The following C4orf51 variants were observed in gnomAD, a reference collection of about 807,000 sequenced individuals.
C4orf51 encodes the protein chromosome 4 open reading frame 51.
Under a neutral mutation model 25.2 loss-of-function variants are expected in C4orf51, and 25 were observed. The ratio of observed to expected loss-of-function variants is 0.99; its 90% CI spans 0.72 to 1.39. The LOEUF (loss-of-function observed/expected upper bound fraction) is 1.39, where lower values mean the gene tolerates loss of function less well. C4orf51 is among the 40% of genes most tolerant of loss of function. C4orf51 has a pLI of 0.00. For missense variants in C4orf51, 252 were observed against 239.6 expected (o/e 1.05, Z -0.34); for synonymous variants, 100 against 84.5 (o/e 1.18, Z -1.01).
chr4:145,782,983 T>C, the C4orf51 span, among the ~76,000 whole-genome samples: 2 of 152,216 alleles, frequency 1.3e-5, no homozygotes, highest in Non-Finnish European at 1.5e-5. Flanking sequence ...AGTTAGTCAT[T>C]TCCCCTGCTC....
At chr4:145,701,477 C>A (rs1471804938) in intron 2 of C4orf51, among the ~76,000 whole-genome samples, 26 of 151,854 alleles carry the variant, frequency 1.7e-4, no homozygotes, top group Admixed American at 1.6e-3. Flanking sequence ...TTGGACTGTT[C>A]AACTCACCTG....
At chr4:145,775,428 T>C (rs1005864139), downstream of C4orf51, among the ~76,000 whole-genome samples, 3 of 140,880 alleles carry the variant, frequency 2.1e-5, no homozygotes, top group Non-Finnish European at 4.6e-5. Context: ...TTTCCTCAGC[T>C]TTTTTTTTTT....
At chr4:145,707,995 G>A (rs758887102) in intron 2 of C4orf51, among the ~76,000 whole-genome samples, 8 of 152,186 alleles carry the variant, frequency 5.3e-5, no homozygotes, top group Non-Finnish European at 8.8e-5. Context: ...ATTTCCAGTG[G>A]CCGACTTTCT....
At chr4:145,722,920 C>G (rs1209958162) in intron 2 of C4orf51, among the ~76,000 whole-genome samples, 1 of 152,198 alleles carries the variant, frequency 6.6e-6, no homozygotes, top group Non-Finnish European at 1.5e-5. Flanking sequence ...GCCTGATGAT[C>G]TGTCACTGTC....
chr4:145,702,580 A>G (rs1268816134), intron 2 of C4orf51, among the ~76,000 whole-genome samples: 1 of 152,178 alleles, frequency 6.6e-6, no homozygotes, highest in African/African-American at 2.4e-5. Flanking sequence ...CTGCCGGTTT[A>G]CACTGTTTCT....
intron 1 of C4orf51, among the ~76,000 whole-genome samples, chr4:145,770,551 G>A (rs1364749689): frequency 6.6e-6 from 1 of 151,246 alleles, no homozygotes; most frequent in African/African-American, 2.4e-5. Flanking sequence ...ATCATGGTAA[G>A]CATTATAGAA....
At chr4:145,741,229 G>A (rs1733079681) in intron 1 of C4orf51, among the ~76,000 whole-genome samples, 1 of 152,158 alleles carries the variant, frequency 6.6e-6, no homozygotes, top group Non-Finnish European at 1.5e-5. Flanking sequence ...TTTCTTAGAG[G>A]CTGATCATAT....
At position 145,681,705 on chromosome 4, in the gene C4orf51, G is replaced by A. The variant is rs150470339; in HGVS notation, c.233+1269G>A. Among the ~76,000 whole-genome samples, 223 of 152,274 alleles carry A rather than the reference G, an allele frequency of 1.5e-3. 1 individual carries two copies. The highest frequency in any genetic ancestry group is 0.014 in the Admixed American group (207 of 15,294). On this transcript the variant is annotated intron_variant, in intron 1 of 5. Transcript: ENST00000438731. Reference sequence around the variant, plus strand: ...CTGGTGAGGCTCATCTTATTGCAGAGGGTGAAAGGTGGAAGAGAGCACTTA... The same window carrying A: ...CTGGTGAGGCTCATCTTATTGCAGAAGGTGAAAGGTGGAAGAGAGCACTTA...
intron 1 of C4orf51, among the ~76,000 whole-genome samples, chr4:145,751,975 C>T (rs1733703058): frequency 1.3e-5 from 2 of 152,194 alleles, no homozygotes; most frequent in South Asian, 4.1e-4. Flanking sequence ...CTGATGTTCC[C>T]TTAAGGCCCA....
intron 2 of C4orf51, among the ~76,000 whole-genome samples, chr4:145,720,574 T>C (rs1056772116): frequency 6.6e-6 from 1 of 152,216 alleles, no homozygotes; most frequent in African/African-American, 2.4e-5. Flanking sequence ...GGGAGTGTTC[T>C]TCTTGCTCTT....
At chr4:145,722,343 T>G (rs1731785809) in intron 2 of C4orf51, among the ~76,000 whole-genome samples, 1 of 152,186 alleles carries the variant, frequency 6.6e-6, no homozygotes, top group African/African-American at 2.4e-5. Flanking sequence ...ATCATAACAG[T>G]ATATCCTAAA....
intron 1 of C4orf51, among the ~76,000 whole-genome samples, chr4:145,683,995 G>GGA (rs1026209385): frequency 6.6e-6 from 1 of 152,092 alleles, no homozygotes; most frequent in Non-Finnish European, 1.5e-5. Flanking sequence ...ATTTGCAAAG[G>GGA]ACTTTTATCC....
chr4:145,696,471 T>C lies in C4orf51; in HGVS notation c.234-88T>C, dbSNP rs1270164249. On this transcript the variant is annotated intron_variant, in intron 1 of 5. Transcript: ENST00000438731. ...CTAAAATGAAAGTTTTAAAAAAAGA[T>C]GAATGGAAATCCCTGTAAGTCCACA... 4.6e-6 allele frequency: 5 copies of C among 1,083,428 alleles called. No individual in the cohort carries two copies. In the African/African-American group the frequency reaches 6.3e-5, roughly 14 times the overall value. 67.1% of individuals were successfully genotyped at this position (1,083,428 alleles called of 1,614,324 possible). A position where few individuals can be genotyped will look rare whatever the true frequency, so the allele number is the denominator to read the frequency against.
chr4:145,768,168 T>G (rs546660322), intron 1 of C4orf51, among the ~76,000 whole-genome samples: 230 of 152,278 alleles, frequency 1.5e-3, no homozygotes, highest in African/African-American at 5.4e-3. Context: ...AAACTAAAGA[T>G]GTACTCTTTT....
intron 5 of C4orf51, among the ~76,000 whole-genome samples, chr4:145,730,822 A>G (rs757415133): frequency 3.3e-5 from 5 of 152,236 alleles, no homozygotes; most frequent in Non-Finnish European, 5.9e-5. Context: ...GTCTTTGGAC[A>G]TTAACTAGCA....
chr4:145,765,717 C>G lies in C4orf51; in HGVS notation n.167-5271C>G. The G allele has an allele frequency of 6.2e-7, 1 of 1,613,872 alleles. No homozygotes were observed. Among genetic ancestry groups the G allele is most frequent in the Non-Finnish European group, 8.5e-7 (1 of 1,179,892 alleles). On this transcript the variant is annotated intron_variant and non_coding_transcript_variant, in intron 1 of 1. Transcript: ENST00000510096. The surrounding 1 kb of genome is among the most constrained non-coding windows in gnomAD (Gnocchi z 4.7). The stretch of plus-strand genomic sequence containing the variant: ...GGATGAAGAGGGGCTATTTGATTCG[C>G]TGGGGGTCTTCCTGTCTTCCCCTGA...
At chr4:145,775,278 G>T (rs1252513639), downstream of C4orf51, among the ~76,000 whole-genome samples, 4 of 152,128 alleles carry the variant, frequency 2.6e-5, no homozygotes, top group African/African-American at 9.7e-5. Flanking sequence ...AAACTTGGGG[G>T]TTTTATGGCA....
chr4:145,757,896 T>A (rs913577059), downstream of C4orf51: 1 of 152,142 alleles, frequency 6.6e-6, no homozygotes, highest in Non-Finnish European at 1.5e-5. Context: ...TGCATTACTA[T>A]ATGGAAAAAT....
Position 145,695,266 on chromosome 4 carries a change from A to C in C4orf51, c.234-1293A>C, listed in dbSNP as rs145319812. Among the ~76,000 whole-genome samples, 1,286 of 152,304 alleles carry C rather than the reference A, an allele frequency of 8.4e-3. 7 individuals carry two copies. The highest frequency in any genetic ancestry group is 0.013 in the Non-Finnish European group (915 of 68,026). On this transcript the variant is annotated intron_variant, in intron 1 of 5. Transcript: ENST00000438731. ...CAGCATCTGTTATTTTTGACTTTTT[A>C]ATAATAGCCATTCTGTTTGGTGTGA...
Sources: gnomAD v4.1 joint callset for allele counts (sites outside exome capture counted in the v4.1 genomes callset) on GRCh38, gnomAD v4.1.1 for gene constraint, Gnocchi (gnomAD v3.1) non-coding constraint, MANE v1.5 for transcripts, NCBI Gene and HGNC (gene_info 2026-07-23, HGNC 2026-07-21) for gene names.